The following LAMC3 variants were observed in gnomAD, a reference collection of about 807,000 sequenced individuals.
LAMC3 encodes laminin subunit gamma-3.
In LAMC3, 128 loss-of-function variants were observed where a neutral mutation model predicts 173.8. That is an observed-to-expected ratio of 0.74 (90% CI 0.64 to 0.85). The LOEUF (loss-of-function observed/expected upper bound fraction) is 0.85, where lower values mean the gene tolerates loss of function less well. Among genes scored for constraint, LAMC3 ranks in the 40% least tolerant of loss-of-function variants. The pLI, the probability that LAMC3 is intolerant of heterozygous loss-of-function variation, is 0.00. For synonymous variants in LAMC3, 897 were observed against 909.1 expected, an observed-to-expected ratio of 0.99 and a Z score of 0.24; for missense variants, 2,022 against 2,156.0, an observed-to-expected ratio of 0.94 and a Z score of 1.23.
chr9:131,077,215 G>A lies in LAMC3; in HGVS notation c.3658G>A (p.Ala1220Thr). The A allele has an allele frequency of 1.2e-6, 2 of 1,613,856 alleles. No homozygotes were observed. Among genetic ancestry groups the A allele is most frequent in the South Asian group, 1.1e-5 (1 of 91,084 alleles). The change falls in exon 22 of 28, where the codon GCA (alanine) becomes ACA (threonine). Residue 1220 changes from alanine (A) to threonine (T), a missense_variant. Physicochemically the swap from Ala to Thr is moderately conservative, Grantham distance 58. Coordinates refer to ENST00000361069, the MANE Select transcript of LAMC3 (RefSeq NM_006059.4). ...RYQEVQAAQK[A>T]LRTAVAEVLP... ...CCAGGAGGTCCAGGCGGCCCAGAAA[G>A]CACTGAGGACGGCTGTGGCAGAGGT...
chr9:131,057,751 C>T (rs1405990765), intron 12 of LAMC3, among the ~76,000 whole-genome samples: 2 of 152,188 alleles, frequency 1.3e-5, no homozygotes, highest in African/African-American at 2.4e-5. Context: ...GGTCAGGAGA[C>T]GCTCAGGCTC....
intron 11 of LAMC3, among the ~76,000 whole-genome samples, chr9:131,054,397 G>A (rs1834358240): frequency 1.3e-5 from 2 of 152,152 alleles, no homozygotes; most frequent in Non-Finnish European, 2.9e-5. Context: ...GTTTTGGGAG[G>A]CCTCTCTCTA....
rs1015174669 is a variant in LAMC3, at chr9:131,085,590, G to A, written c.4097G>A (p.Ser1366Asn). 1.2e-6 allele frequency: 2 copies of A among 1,614,024 alleles called. No individual in the cohort carries two copies. The highest frequency in any genetic ancestry group is 2.7e-5 in the African/African-American group (2 of 74,942). Residue 1366 changes from serine (S) to asparagine (N), a missense_variant, in exon 25 of 28, where the codon AGT (serine) becomes AAT (asparagine). Physicochemically the swap from Ser to Asn is conservative, Grantham distance 46. Transcript: ENST00000361069. ...TTGCAGAGGAAGGCAGACTCCGTCA[G>A]TGACAGACTCCTTGCAGACACGAGA... ...AALQRKADSV[S>N]DRLLADTRKK...
chr9:131,014,329 C>T (rs1230049659), intron 1 of LAMC3, among the ~76,000 whole-genome samples: 1 of 152,238 alleles, frequency 6.6e-6, no homozygotes, highest in African/African-American at 2.4e-5. Context: ...CAGCCTAACT[C>T]ATGTCTTGTT....
rs11244264 is a variant in LAMC3, at chr9:131,056,093, G to A, written c.1940-836G>A. On this transcript the variant is annotated intron_variant, in intron 11 of 27. Coordinates refer to ENST00000361069, the MANE Select transcript of LAMC3 (RefSeq NM_006059.4). ...CACCTTTGGTCTCAGCTACTTGAGC[G>A]GCTGAGGCAGGAGGATCATTTGAGG... 6.0e-3 allele frequency among the ~76,000 whole-genome samples: 921 copies of A among 152,266 alleles called. 9 individuals carry two copies. Among genetic ancestry groups the A allele is most frequent in the African/African-American group, 0.021 (878 of 41,562 alleles).
rs1173391822 is a variant in LAMC3, at chr9:131,082,288, A to C, written c.4030+127A>C. On this transcript the variant is annotated intron_variant, in intron 24 of 27. Transcript: ENST00000361069. ...CTGGTCTTGTGGGCTTAATTAAGCC[A>C]AACAGACTTTCCCTCCACCTCTCAG... 6.9e-6 allele frequency: 5 copies of C among 723,906 alleles called. No individual in the cohort carries two copies. The Admixed American group carries it at 1.0e-4, about 15-fold the overall frequency. The allele number at this position is 723,906 out of a possible 1,614,324, so 44.8% of individuals were successfully genotyped here. A position where few individuals can be genotyped will look rare whatever the true frequency, so the allele number is the denominator to read the frequency against.
intron 7 of LAMC3, among the ~76,000 whole-genome samples, chr9:131,042,130 C>T (rs1834068198): frequency 6.6e-6 from 1 of 152,004 alleles, no homozygotes. Context: ...GTTTCACACT[C>T]ACTGCAGACA....
intron 2 of LAMC3, among the ~76,000 whole-genome samples, chr9:131,028,476 C>G (rs10793981): frequency 0.26 from 39,639 of 152,066 alleles, 7,950 homozygotes; most frequent in African/African-American, 0.56. Flanking sequence ...GGGACACTGA[C>G]ACCCAAAAAG....
intron 2 of LAMC3, among the ~76,000 whole-genome samples, chr9:131,028,954 C>T (rs1172104843): frequency 6.6e-6 from 1 of 152,254 alleles, no homozygotes; most frequent in Non-Finnish European, 1.5e-5. Flanking sequence ...TGAGCCACCA[C>T]ACCTGGCCTG....
rs1215765877 is a variant in LAMC3 at position 131,009,203 on chromosome 9, G to C, written c.-12G>C. On this transcript the variant is annotated 5_prime_UTR_variant, in exon 1 of 28. Transcript: ENST00000361069. This position sits in a 1 kb window ranked among gnomAD's most constrained non-coding sequence, Gnocchi z 4.3. ...GGGGCCGGCAGAGCGCGCGGCGTCG[G>C]TGCCCTTGACCATGGCGGCGGCTGC... 1 of 1,203,348 alleles carries C rather than the reference G, an allele frequency of 8.3e-7. No homozygotes were observed. Among genetic ancestry groups the C allele is most frequent in the African/African-American group, 1.6e-5 (1 of 62,688 alleles). 74.5% of individuals were successfully genotyped at this position (1,203,348 alleles called of 1,614,324 possible). A position where few individuals can be genotyped will look rare whatever the true frequency, so the allele number is the denominator to read the frequency against.
At chr9:131,064,138 C>T (rs1829880778) in intron 13 of LAMC3, among the ~76,000 whole-genome samples, 1 of 152,068 alleles carries the variant, frequency 6.6e-6, no homozygotes, top group Admixed American at 6.6e-5. Flanking sequence ...AAACTCCTGG[C>T]CTCAAGTGAT....
Position 131,091,955 on chromosome 9 carries a change from C to A in LAMC3, c.*168C>A. 1.2e-6 allele frequency: 1 copy of A among 810,496 alleles called. No homozygotes were observed. 50.2% of individuals were successfully genotyped at this position (810,496 alleles called of 1,614,324 possible). A position where few individuals can be genotyped will look rare whatever the true frequency, so the allele number is the denominator to read the frequency against. On this transcript the variant is annotated 3_prime_UTR_variant, in exon 28 of 28. Transcript: ENST00000361069. ...CTGCCGATTCTGTCTGTGGCTTCTT[C>A]CCTGCCAGCAGGACTGAGTGTGCGT...
intron 24 of LAMC3, among the ~76,000 whole-genome samples, chr9:131,084,215 T>C (rs907117224): frequency 9.9e-5 from 15 of 151,852 alleles, no homozygotes; most frequent in African/African-American, 3.4e-4. Context: ...AAACTTCCTT[T>C]AGAATTTTTT....
Position 131,057,163 on chromosome 9 carries a change from C to A in LAMC3, c.2158+16C>A. On this transcript the variant is annotated intron_variant, in intron 12 of 27. Coordinates refer to ENST00000361069, the MANE Select transcript of LAMC3 (RefSeq NM_006059.4). ...CCCAACACAGGTGAGTCTCCTGGCA[C>A]CCCATCCGAAGGCACCTGGGTTATA... 1 of 1,608,706 alleles carries A rather than the reference C, an allele frequency of 6.2e-7. No individual in the cohort carries two copies. Among genetic ancestry groups the A allele is most frequent in the Non-Finnish European group, 8.5e-7 (1 of 1,175,402 alleles).
At chr9:131,031,115 A>T (rs1178766043) in intron 2 of LAMC3, among the ~76,000 whole-genome samples, 1 of 152,230 alleles carries the variant, frequency 6.6e-6, no homozygotes, top group African/African-American at 2.4e-5. Context: ...CTCGGGGAGC[A>T]GGAGGGCCGT....
Position 131,085,599 on chromosome 9 carries a change from T to C in LAMC3, c.4106T>C (p.Leu1369Pro). ...QRKADSVSDR[L>P]LADTRKKTKQ... ...AAGGCAGACTCCGTCAGTGACAGAC[T>C]CCTTGCAGACACGAGAAAGAAGACC... The change falls in exon 25 of 28, where the codon CTC becomes CCC. Residue 1369 changes from leucine (L) to proline (P), a missense_variant. Transcript: ENST00000361069. The C allele has an allele frequency of 6.2e-7, 1 of 1,614,080 alleles. No homozygotes were observed. Among genetic ancestry groups the C allele is most frequent in the Non-Finnish European group, 8.5e-7 (1 of 1,180,030 alleles).
At chr9:131,089,835 A>G (rs112338257) in intron 27 of LAMC3, among the ~76,000 whole-genome samples, 1 of 152,250 alleles carries the variant, frequency 6.6e-6, no homozygotes, top group East Asian at 1.9e-4. Flanking sequence ...CCAGGCCCAC[A>G]CTAAGCTATT....
rs1830253579 is a variant in LAMC3, at chr9:131,082,146, C to G, written c.4015C>G (p.Leu1339Val). 1 of 1,612,950 alleles carries G rather than the reference C, an allele frequency of 6.2e-7. No homozygotes were observed. Among genetic ancestry groups the G allele is most frequent in the South Asian group, 1.1e-5 (1 of 90,928 alleles). The part of the protein sequence containing the change: ...TVTVMGARTL[L>V]ADLEGMKLQF... The stretch of plus-strand genomic sequence containing the variant: ...GACTGTCATGGGAGCCAGGACTCTG[C>G]TGGCTGATCTGGAAGGTACGTGAGT... The change falls in exon 24 of 28, where the codon CTG (leucine) becomes GTG (valine). Residue 1339 changes from leucine (L) to valine (V), a missense_variant. Physicochemically the swap from Leu to Val is conservative, Grantham distance 32. Transcript: ENST00000361069.
In LAMC3 at chr9:131,073,190, C is replaced by T. The variant is rs1830066074; in HGVS notation, c.3418-55C>T. On this transcript the variant is annotated intron_variant, in intron 19 of 27. Transcript: ENST00000361069. Reference sequence around the variant, plus strand: ...GCCTCACAATTGGACCAGATGTGGCCCTTACCCTTTGGCGATGGGCCATCA... The same window carrying T: ...GCCTCACAATTGGACCAGATGTGGCTCTTACCCTTTGGCGATGGGCCATCA... 6.7e-6 allele frequency: 9 copies of T among 1,340,886 alleles called. No homozygotes were observed. In the South Asian group the frequency reaches 9.3e-5, roughly 14 times the overall value. The allele number at this position is 1,340,886 out of a possible 1,614,324, so 83.1% of individuals were successfully genotyped here.
Sources: gnomAD v4.1 joint callset for allele counts (sites outside exome capture counted in the v4.1 genomes callset) on GRCh38, gnomAD v4.1.1 for gene constraint, Gnocchi (gnomAD v3.1) non-coding constraint, MANE v1.5 for transcripts, NCBI Gene and HGNC (gene_info 2026-07-23, HGNC 2026-07-21) for gene names.